The following APCDD1 variants were observed in gnomAD, a reference collection of about 807,000 sequenced individuals.
APCDD1 encodes the protein protein APCDD1.
A neutral mutation model predicts 38.1 loss-of-function variants in APCDD1; 15 were observed. The ratio of observed to expected loss-of-function variants is 0.39; its 90% CI spans 0.26 to 0.61. The LOEUF is 0.61. Among genes scored for constraint, APCDD1 ranks in the 20% least tolerant of loss-of-function variants. The pLI is 0.49. For missense variants in APCDD1, 647 were observed against 696.2 expected, an observed-to-expected ratio of 0.93 and a Z score of 0.79; for synonymous variants, 261 against 279.7, an observed-to-expected ratio of 0.93 and a Z score of 0.67.
At chr18:10,483,682 G>C (rs916895701) in intron 3 of APCDD1, among the ~76,000 whole-genome samples, 3 of 152,228 alleles carry the variant, frequency 2.0e-5, no homozygotes, top group African/African-American at 4.8e-5. Flanking sequence ...TGCCTGCCCA[G>C]TCAGTGGGTG....
chr18:10,468,244 T>C (rs2030763015), intron 1 of APCDD1, among the ~76,000 whole-genome samples: 1 of 152,258 alleles, frequency 6.6e-6, no homozygotes, highest in African/African-American at 2.4e-5. Flanking sequence ...GTTATGTTGG[T>C]GATCTCCAAG....
chr18:10,488,982 C>G lies in APCDD1; in HGVS notation c.*944C>G, dbSNP rs1017719761. ...AGGGGCAGGCGGAAGAAGCTGCACT[C>G]TGGCATCCATGCCACCTTCTAAGAT... On this transcript the variant is annotated 3_prime_UTR_variant, in exon 5 of 5. Transcript: ENST00000355285. 6.6e-6 allele frequency: 1 copy of G among 152,296 alleles called. No homozygotes were observed. Among genetic ancestry groups the G allele is most frequent in the Non-Finnish European group, 1.5e-5 (1 of 68,086 alleles). 9.4% of individuals were successfully genotyped at this position (152,296 alleles called of 1,614,324 possible). A position where few individuals can be genotyped will look rare whatever the true frequency, so the allele number is the denominator to read the frequency against.
chr18:10,468,334 A>G, intron 1 of APCDD1, 135 bp from the exon 2 acceptor site: 1 of 942,528 alleles, frequency 1.1e-6, no homozygotes, highest in Admixed American at 1.7e-5. Context: ...GAGAGCACGC[A>G]CTGTGATGAC....
Position 10,467,670 on chromosome 18 carries a change from T to G in APCDD1, c.59-799T>G, listed in dbSNP as rs1379467753. On this transcript the variant is annotated intron_variant, in intron 1 of 4. Coordinates refer to ENST00000355285, the MANE Select transcript of APCDD1 (RefSeq NM_153000.5). The surrounding 1 kb of genome is among the most constrained non-coding windows in gnomAD (Gnocchi z 4.8). ...GTAATCTTCTTGCCATTATTCTTAA[T>G]TTAAAGCCCTGTATTGTATGTTTAG... Among the ~76,000 whole-genome samples, 1 of 152,230 alleles carries G rather than the reference T, an allele frequency of 6.6e-6. No homozygotes were observed. The highest frequency in any genetic ancestry group is 1.5e-5 in the Non-Finnish European group (1 of 68,050).
At position 10,471,797 on chromosome 18, in the gene APCDD1, A is replaced by G. The variant is rs370392635; in HGVS notation, c.510A>G (p.Thr170=). Residue 170 remains threonine, a synonymous_variant, in exon 3 of 5, where the codon ACA becomes ACG. Coordinates refer to ENST00000355285, the MANE Select transcript of APCDD1 (RefSeq NM_153000.5). This position sits in a 1 kb window ranked among gnomAD's most constrained non-coding sequence, Gnocchi z 5.5. The part of the protein sequence containing the change: ...AEKLGQQVNR[T]CPGFLADGGP... ...AGCTCGGCCAGCAGGTGAACCGCAC[A>G]TGCCCGGGCTTCCTCGCAGACGGGG... 214 of 1,613,332 alleles carry G rather than the reference A, an allele frequency of 1.3e-4. No individual in the cohort carries two copies. The highest frequency in any genetic ancestry group is 1.7e-4 in the Non-Finnish European group (201 of 1,179,642).
At chr18:10,464,345 G>GAC (rs1413196286) in intron 1 of APCDD1, among the ~76,000 whole-genome samples, 6 of 79,476 alleles carry the variant, frequency 7.5e-5, no homozygotes, top group East Asian at 4.4e-4. Context: ...CACACACACA[G>GAC]ACACACACAC....
chr18:10,482,401 G>C (rs562758459), intron 3 of APCDD1, among the ~76,000 whole-genome samples: 17 of 152,326 alleles, frequency 1.1e-4, no homozygotes, highest in Admixed American at 2.0e-4. Context: ...CCAGGCGGAG[G>C]GGGTAGCCAC....
At chr18:10,468,786 C>A in intron 2 of APCDD1, 134 bp downstream of exon 2, 3 of 919,002 alleles carry the variant, frequency 3.3e-6, no homozygotes, top group South Asian at 1.5e-5. Flanking sequence ...TAATGAAGAA[C>A]CAAACCACTC....
chr18:10,462,735 C>T (rs549896540), intron 1 of APCDD1, among the ~76,000 whole-genome samples: 162 of 144,626 alleles, frequency 1.1e-3, no homozygotes, highest in African/African-American at 3.9e-3. Flanking sequence ...CTTTCCCCCA[C>T]AAGATGCAAG....
chr18:10,473,719 A>C (rs1334031937), intron 3 of APCDD1, among the ~76,000 whole-genome samples: 2 of 152,096 alleles, frequency 1.3e-5, no homozygotes, highest in African/African-American at 4.8e-5. Context: ...TCTTGGGAAA[A>C]TGGGTAAGAA....
Position 10,468,597 on chromosome 18 carries a change from G to A in APCDD1, c.187G>A (p.Ala63Thr). Residue 63 changes from alanine (A) to threonine (T), a missense_variant, in exon 2 of 5, where the codon GCA becomes ACA. Physicochemically the swap from Ala to Thr is moderately conservative, Grantham distance 58. Transcript: ENST00000355285. The stretch of plus-strand genomic sequence containing the variant: ...CATGCTCAAACATCTCCACAATGGT[G>A]CAAGGATCACAGTGCAGATGCCACC... ...HHMLKHLHNG[A>T]RITVQMPPTI... is the part of the protein sequence containing the mutation. 3.1e-6 allele frequency: 5 copies of A among 1,614,064 alleles called. No homozygotes were observed. The highest frequency in any genetic ancestry group is 4.2e-6 in the Non-Finnish European group (5 of 1,180,040).
At chr18:10,458,769 AGAT>A (rs1228629646) in intron 1 of APCDD1, among the ~76,000 whole-genome samples, 1 of 152,230 alleles carries the variant, frequency 6.6e-6, no homozygotes, top group East Asian at 1.9e-4. Flanking sequence ...CAGAAATAGA[AGAT>A]GATGTGTTAG....
chr18:10,479,985 C>A (rs2031097508), intron 3 of APCDD1, among the ~76,000 whole-genome samples: 1 of 152,172 alleles, frequency 6.6e-6, no homozygotes, highest in Non-Finnish European at 1.5e-5. Context: ...TTTCTCCCTT[C>A]CCCTTTCTGA....
chr18:10,468,471 C>G lies in APCDD1; in HGVS notation c.61C>G (p.Leu21Val). 6.2e-7 allele frequency: 1 copy of G among 1,614,176 alleles called. No individual in the cohort carries two copies. The highest frequency in any genetic ancestry group is 8.5e-7 in the Non-Finnish European group (1 of 1,180,034). Reference sequence around the variant, plus strand: ...AACTTTCCACCTTTATTTTTCAGGGCTGGGAGAGGGTTCTGCCCTCCTTCA... The same window carrying G: ...AACTTTCCACCTTTATTTTTCAGGGGTGGGAGAGGGTTCTGCCCTCCTTCA... ...YLFPALLLHGLGEGSALLHPD... is the reference protein window; with the variant it reads ...YLFPALLLHGVGEGSALLHPD... Residue 21 changes from leucine (L) to valine (V), a missense_variant and splice_region_variant, in exon 2 of 5, where the codon CTG (leucine) becomes GTG (valine). Physicochemically the swap from Leu to Val is conservative, Grantham distance 32. Transcript: ENST00000355285.
intron 1 of APCDD1, among the ~76,000 whole-genome samples, chr18:10,462,656 T>C: frequency 7.5e-6 from 1 of 133,438 alleles, no homozygotes. Context: ...CTTCCTTCCT[T>C]CCTTCCTTCC....
chr18:10,466,693 A>G (rs1385634063), intron 1 of APCDD1, among the ~76,000 whole-genome samples: 1 of 152,166 alleles, frequency 6.6e-6, no homozygotes, highest in Non-Finnish European at 1.5e-5. Context: ...CCTTGCCTCA[A>G]TGGAACTTGA....
At chr18:10,486,283 A>T (rs2031248239) in intron 4 of APCDD1, among the ~76,000 whole-genome samples, 1 of 152,190 alleles carries the variant, frequency 6.6e-6, no homozygotes, top group Non-Finnish European at 1.5e-5. Flanking sequence ...GAGCCCAGGA[A>T]GTTGAGGCTA....
In APCDD1 at chr18:10,471,121, C is replaced by G. The variant is rs996662090; in HGVS notation, c.243-409C>G. Among the ~76,000 whole-genome samples, 9 of 152,212 alleles carry G rather than the reference C, an allele frequency of 5.9e-5. No individual in the cohort carries two copies. Among genetic ancestry groups the G allele is most frequent in the Admixed American group, 5.9e-4 (9 of 15,288 alleles). ...ACTTCTTTTATAGGCCAGCACAGCA[C>G]TCATCCTCCTTATCCAGAAAGAAAT... On this transcript the variant is annotated intron_variant, in intron 2 of 4. Transcript: ENST00000355285. This position sits in a 1 kb window ranked among gnomAD's most constrained non-coding sequence, Gnocchi z 5.5.
chr18:10,454,718 C>T lies in APCDD1; in HGVS notation c.-264C>T. On this transcript the variant is annotated 5_prime_UTR_variant, in exon 1 of 5. Coordinates refer to ENST00000355285, the MANE Select transcript of APCDD1 (RefSeq NM_153000.5). Reference sequence around the variant, plus strand: ...CGGCGGCCGGGGCGGGACGCGGGGCCGGGCGCGGAGAAGTCGGGGCGGGCG... The same window carrying T: ...CGGCGGCCGGGGCGGGACGCGGGGCTGGGCGCGGAGAAGTCGGGGCGGGCG... 2.0e-6 allele frequency: 2 copies of T among 982,270 alleles called. No homozygotes were observed. Among genetic ancestry groups the T allele is most frequent in the Non-Finnish European group, 2.4e-6 (2 of 829,184 alleles). The allele number at this position is 982,270 out of a possible 1,614,324, so 60.8% of individuals were successfully genotyped here.
Sources: gnomAD v4.1 joint callset for allele counts (sites outside exome capture counted in the v4.1 genomes callset) on GRCh38, gnomAD v4.1.1 for gene constraint, Gnocchi (gnomAD v3.1) non-coding constraint, MANE v1.5 for transcripts, NCBI Gene and HGNC (gene_info 2026-07-23, HGNC 2026-07-21) for gene names.